DPP10: variants seen among roughly 807,000 people sequenced by gnomAD.
DPP10 encodes dipeptidyl peptidase like 10.
Under a neutral mutation model 120.9 loss-of-function variants are expected in DPP10, and 33 were observed. The observed-to-expected ratio is 0.27, with a 90% CI of 0.21 to 0.37. The LOEUF is 0.37. DPP10 is among the 10% of genes least tolerant of loss of function. The pLI is 1.00. For missense variants in DPP10, 816 were observed against 942.8 expected (o/e 0.87, Z 1.76); for synonymous variants, 337 against 326.1 (o/e 1.03, Z -0.36).
chr2:114,619,165 T>C (rs1248154559), intron 1 of DPP10, among the ~76,000 whole-genome samples: 1 of 151,878 alleles, frequency 6.6e-6, no homozygotes, highest in Non-Finnish European at 1.5e-5. Flanking sequence ...ACAGTATGGA[T>C]TATGATGAGG....
chr2:114,855,106 G>C (rs887961356), intron 1 of DPP10, among the ~76,000 whole-genome samples: 1 of 152,160 alleles, frequency 6.6e-6, no homozygotes, highest in Non-Finnish European at 1.5e-5. Flanking sequence ...GTTCAAAAGA[G>C]GGAATGGTGG....
At chr2:115,201,887 A>G (rs556843993) in intron 1 of DPP10, among the ~76,000 whole-genome samples, 94 of 152,222 alleles carry the variant, frequency 6.2e-4, no homozygotes, top group Non-Finnish European at 1.0e-3. Context: ...GAAGGAAAAC[A>G]TTAGGGCATT....
intron 3 of DPP10, among the ~76,000 whole-genome samples, chr2:115,366,413 A>G (rs553108001): frequency 2.0e-5 from 3 of 152,028 alleles, no homozygotes; most frequent in South Asian, 4.2e-4. Context: ...TTACTTTATT[A>G]TATAGCCTTT....
At chr2:114,760,799 G>A (rs904255404) in intron 1 of DPP10, among the ~76,000 whole-genome samples, 2 of 152,068 alleles carry the variant, frequency 1.3e-5, no homozygotes, top group East Asian at 3.9e-4. Context: ...AGCGCAACTC[G>A]ATTTCTGACT....
chr2:115,329,898 T>C (rs2062605913), intron 2 of DPP10, among the ~76,000 whole-genome samples: 1 of 152,056 alleles, frequency 6.6e-6, no homozygotes, highest in Admixed American at 6.6e-5. Context: ...AGTAAACATA[T>C]GTGTGCATTG....
intron 1 of DPP10, among the ~76,000 whole-genome samples, chr2:115,186,754 ATTG>A (rs1403495843): frequency 6.6e-6 from 1 of 152,148 alleles, no homozygotes; most frequent in Non-Finnish European, 1.5e-5. Context: ...TGTCATGGAA[ATTG>A]TTGTCCTTGT....
intron 3 of DPP10, among the ~76,000 whole-genome samples, chr2:115,494,525 G>A (rs2076291989): frequency 6.6e-6 from 1 of 152,110 alleles, no homozygotes; most frequent in African/African-American, 2.4e-5. Flanking sequence ...CAGTGTTTTA[G>A]GGAGTTGAAT....
chr2:115,839,898 C>T (rs1689913205), intron 24 of DPP10, among the ~76,000 whole-genome samples: 1 of 151,958 alleles, frequency 6.6e-6, no homozygotes, highest in African/African-American at 2.4e-5. Flanking sequence ...GCAAGAGTAA[C>T]CAGTATGCTC....
chr2:114,490,497 C>T (rs920058508), intron 1 of DPP10, among the ~76,000 whole-genome samples: 6 of 152,022 alleles, frequency 3.9e-5, no homozygotes, highest in African/African-American at 1.4e-4. Context: ...AGAGGGCTCC[C>T]TCACGAGCTC....
At chr2:115,402,875 A>ATATATG (rs1167991546) in intron 3 of DPP10, among the ~76,000 whole-genome samples, 35 of 125,224 alleles carry the variant, frequency 2.8e-4, no homozygotes, top group African/African-American at 9.2e-4. Flanking sequence ...ATATATATAT[A>ATATATG]TGTGTGTGTG....
chr2:115,465,511 A>T (rs751925041), intron 3 of DPP10, among the ~76,000 whole-genome samples: 6 of 152,142 alleles, frequency 3.9e-5, no homozygotes, highest in Non-Finnish European at 5.9e-5. Context: ...GATTTGAGGA[A>T]AGTCTAAATG....
intron 3 of DPP10, among the ~76,000 whole-genome samples, chr2:115,390,403 G>A (rs1370140716): frequency 6.6e-6 from 1 of 152,154 alleles, no homozygotes; most frequent in African/African-American, 2.4e-5. Context: ...ATGACACGTT[G>A]CATGTGTTCT....
intron 5 of DPP10, among the ~76,000 whole-genome samples, chr2:115,660,842 T>C (rs2088900455): frequency 1.3e-5 from 2 of 152,042 alleles, no homozygotes; most frequent in South Asian, 4.2e-4. Flanking sequence ...AAATTCTTGA[T>C]TAATTATTGG....
chr2:115,302,217 C>T (rs902022986), intron 1 of DPP10, among the ~76,000 whole-genome samples: 27 of 151,892 alleles, frequency 1.8e-4, no homozygotes, highest in East Asian at 3.9e-4. Flanking sequence ...ATCTGCCCCC[C>T]GTCATCCACC....
chr2:115,650,917 G>GAA (rs370866756), intron 5 of DPP10, among the ~76,000 whole-genome samples: 144 of 152,102 alleles, frequency 9.5e-4, no homozygotes, highest in African/African-American at 3.3e-3. Context: ...GAAAGAGAGT[G>GAA]AGAGACAGAA....
At chr2:114,913,218 G>A (rs1182250111) in intron 1 of DPP10, among the ~76,000 whole-genome samples, 2 of 152,168 alleles carry the variant, frequency 1.3e-5, no homozygotes, top group African/African-American at 4.8e-5. Flanking sequence ...TAGTACCCAT[G>A]CACAGCCTTC....
chr2:114,928,624 C>T lies in DPP10; in HGVS notation c.61-380615C>T, dbSNP rs182311992. 2.0e-5 allele frequency among the ~76,000 whole-genome samples: 3 copies of T among 152,174 alleles called. No individual in the cohort carries two copies. The East Asian group carries it at 5.8e-4, about 29-fold the overall frequency. The stretch of plus-strand genomic sequence containing the variant: ...AGGGTACACGGTGCCAGTAGCTCTA[C>T]TATTCTGGGGTCTGGAAGGTGATGG... On this transcript the variant is annotated intron_variant, in intron 1 of 25. Transcript: ENST00000410059.
chr2:114,795,886 G>T (rs940568139), intron 1 of DPP10, among the ~76,000 whole-genome samples: 4 of 152,132 alleles, frequency 2.6e-5, no homozygotes, highest in Admixed American at 2.0e-4. Flanking sequence ...TACAGACCAT[G>T]CATGGAACCA....
intron 3 of DPP10, among the ~76,000 whole-genome samples, chr2:115,484,045 G>GGACCCCAGACAAACA (rs1432668179): frequency 6.6e-6 from 1 of 151,816 alleles, no homozygotes; most frequent in Non-Finnish European, 1.5e-5. Context: ...GTAGATGACA[G>GGACCCCAGACAAACA]GACCCCAGAC....
Sources: allele counts gnomAD v4.1 joint callset (sites outside exome capture counted in the v4.1 genomes callset), GRCh38; gene constraint gnomAD v4.1.1; transcripts MANE v1.5; gene names NCBI Gene and HGNC (gene_info 2026-07-23, HGNC 2026-07-21).